Variants in RBFOX1 observed in about 807,000 individuals in gnomAD.
RBFOX1 encodes the protein RNA binding protein fox-1 homolog 1.
RBFOX1 carries 8 observed loss-of-function variants against 57.7 expected under a neutral mutation model. That is an observed-to-expected ratio of 0.14 (90% CI 0.08 to 0.25). RBFOX1 has a LOEUF of 0.25. Ranked by LOEUF, RBFOX1 falls within the 10% of genes least tolerant of loss-of-function variation. The pLI, the probability that RBFOX1 is intolerant of heterozygous loss-of-function variation, is 1.00. For missense variants in RBFOX1, 611 were observed against 548.5 expected (o/e 1.11, Z -1.14); for synonymous variants, 326 against 222.4 (o/e 1.47, Z -4.15).
At chr16:5,721,963 T>G (rs2051953560) in intron 3 of RBFOX1, among the ~76,000 whole-genome samples, 1 of 152,228 alleles carries the variant, frequency 6.6e-6, no homozygotes, top group Admixed American at 6.5e-5. Context: ...CTGGAAGGTC[T>G]TGACAGTCTG....
At chr16:7,281,579 A>G (rs758807943) in intron 4 of RBFOX1, among the ~76,000 whole-genome samples, 3 of 152,086 alleles carry the variant, frequency 2.0e-5, no homozygotes, top group Non-Finnish European at 4.4e-5. Context: ...GTCTGGGCAC[A>G]ATATCTGGTG....
At chr16:5,779,428 A>T (rs2054256072) in intron 3 of RBFOX1, among the ~76,000 whole-genome samples, 1 of 152,226 alleles carries the variant, frequency 6.6e-6, no homozygotes. Context: ...TCCATTCAGC[A>T]CATAAAAACG....
chr16:5,320,269 A>G (rs1235452917), intron 1 of RBFOX1, among the ~76,000 whole-genome samples: 2 of 152,192 alleles, frequency 1.3e-5, no homozygotes, highest in East Asian at 3.9e-4. Context: ...TCTTGAAGGA[A>G]AAGTAAAATT....
chr16:5,573,896 G>A (rs2046368044), intron 2 of RBFOX1, among the ~76,000 whole-genome samples: 1 of 152,158 alleles, frequency 6.6e-6, no homozygotes, highest in Non-Finnish European at 1.5e-5. Context: ...CAAGGCTGAG[G>A]TGAGCTGTGA....
chr16:7,014,173 C>T (rs1055870596), intron 3 of RBFOX1, among the ~76,000 whole-genome samples: 1 of 151,978 alleles, frequency 6.6e-6, no homozygotes, highest in Non-Finnish European at 1.5e-5. Flanking sequence ...GAAACTTTGA[C>T]AAATGAAAAT....
intron 2 of RBFOX1, among the ~76,000 whole-genome samples, chr16:6,496,922 T>C (rs1454753277): frequency 6.6e-6 from 1 of 151,960 alleles, no homozygotes; most frequent in Admixed American, 6.5e-5. Flanking sequence ...ACTACGCCAT[T>C]GCACTCCAGC....
chr16:6,865,076 C>T (rs1306653043), intron 3 of RBFOX1, among the ~76,000 whole-genome samples: 4 of 133,088 alleles, frequency 3.0e-5, no homozygotes, highest in Admixed American at 8.9e-5. Context: ...GATCTTGGCT[C>T]ACTGCAACCT....
chr16:7,328,210 G>A (rs879519814), intron 4 of RBFOX1, among the ~76,000 whole-genome samples: 3 of 152,030 alleles, frequency 2.0e-5, no homozygotes, highest in Non-Finnish European at 4.4e-5. Flanking sequence ...TTCTGGGCGC[G>A]GTGGCTCATG....
chr16:6,453,616 G>A (rs895313731), intron 2 of RBFOX1, among the ~76,000 whole-genome samples: 4 of 152,066 alleles, frequency 2.6e-5, no homozygotes, highest in African/African-American at 9.7e-5. Flanking sequence ...AAGAGGAGCT[G>A]GTACTGTTCC....
chr16:7,150,765 G>T (rs752920534), intron 4 of RBFOX1, among the ~76,000 whole-genome samples: 2 of 152,192 alleles, frequency 1.3e-5, no homozygotes, highest in Non-Finnish European at 2.9e-5. Context: ...AACCAGCAGT[G>T]TTCACTGCAG....
chr16:7,390,815 G>A (rs1369091734), intron 4 of RBFOX1, among the ~76,000 whole-genome samples: 3 of 152,092 alleles, frequency 2.0e-5, no homozygotes, highest in African/African-American at 4.8e-5. Flanking sequence ...TGTGCTTAAG[G>A]GAGGACAGAT....
chr16:7,101,069 T>A (rs1386603864), intron 4 of RBFOX1, among the ~76,000 whole-genome samples: 1 of 152,178 alleles, frequency 6.6e-6, no homozygotes, highest in Non-Finnish European at 1.5e-5. Flanking sequence ...ATCTCTCAAG[T>A]TTTCATTCAA....
intron 1 of RBFOX1, among the ~76,000 whole-genome samples, chr16:5,342,666 G>T (rs2065057237): frequency 6.6e-6 from 1 of 152,080 alleles, no homozygotes; most frequent in Non-Finnish European, 1.5e-5. Flanking sequence ...AGGAGAGCTG[G>T]TCTTAGACTG....
chr16:6,847,310 C>T (rs898167427), intron 3 of RBFOX1, among the ~76,000 whole-genome samples: 2 of 152,156 alleles, frequency 1.3e-5, no homozygotes, highest in Admixed American at 6.5e-5. Flanking sequence ...GACAGCTCTG[C>T]TTCATGCTAT....
chr16:6,100,686 C>G (rs2152555684), intron 1 of RBFOX1, among the ~76,000 whole-genome samples: 1 of 152,288 alleles, frequency 6.6e-6, no homozygotes, highest in Middle Eastern at 3.4e-3. Flanking sequence ...ACAGCAACAC[C>G]TTAATATAGA....
intron 2 of RBFOX1, among the ~76,000 whole-genome samples, chr16:6,379,579 T>C (rs981870447): frequency 8.6e-5 from 13 of 151,346 alleles, no homozygotes; most frequent in African/African-American, 2.2e-4. Flanking sequence ...GGGTAATGTA[T>C]GCCAAGGGTA....
chr16:6,921,829 TCTG>T (rs1447524125), intron 3 of RBFOX1, among the ~76,000 whole-genome samples: 2 of 152,058 alleles, frequency 1.3e-5, no homozygotes, highest in Non-Finnish European at 2.9e-5. Context: ...TTCCATCACT[TCTG>T]CTGCATTCTG....
At chr16:7,425,369 C>T (rs548079343) in intron 4 of RBFOX1, among the ~76,000 whole-genome samples, 3 of 152,258 alleles carry the variant, frequency 2.0e-5, no homozygotes, top group South Asian at 2.1e-4. Flanking sequence ...ACCTTCTCCA[C>T]GTCTTCATTG....
intron 4 of RBFOX1, among the ~76,000 whole-genome samples, chr16:7,449,463 C>A (rs1402749616): frequency 6.6e-6 from 1 of 152,100 alleles, no homozygotes; most frequent in South Asian, 2.1e-4. Flanking sequence ...TAGTTATCAT[C>A]CAGGTTTCAC....
Sources: gnomAD v4.1 joint callset for allele counts (sites outside exome capture counted in the v4.1 genomes callset) on GRCh38, gnomAD v4.1.1 for gene constraint, MANE v1.5 for transcripts, NCBI Gene and HGNC (gene_info 2026-07-23, HGNC 2026-07-21) for gene names.